The following RCC1L variants were observed in gnomAD, a reference collection of about 807,000 sequenced individuals.
The protein encoded by RCC1L is RCC1 like.
RCC1L carries 46 observed loss-of-function variants against 58.6 expected under a neutral mutation model. The ratio of observed to expected loss-of-function variants is 0.79; its 90% confidence interval spans 0.62 to 1.00. RCC1L has a LOEUF of 1.00. Ranked by LOEUF, RCC1L falls within the 50% of genes least tolerant of loss-of-function variation. The pLI is 0.00. For missense variants in RCC1L, 636 were observed against 623.6 expected, an observed-to-expected ratio of 1.02 and a Z score of -0.21; for synonymous variants, 281 against 262.9, an observed-to-expected ratio of 1.07 and a Z score of -0.67.
chr7:75,030,671 C>T (rs951108473), intron 10 of RCC1L, among the ~76,000 whole-genome samples: 4 of 152,140 alleles, frequency 2.6e-5, no homozygotes, highest in African/African-American at 7.2e-5. Context: ...ATATGGCGCT[C>T]GGCTTCCCCC....
At chr7:75,062,093 C>G (rs587728725) in intron 5 of RCC1L, among the ~76,000 whole-genome samples, 10 of 152,158 alleles carry the variant, frequency 6.6e-5, no homozygotes, top group African/African-American at 2.2e-4. Context: ...GAGTCTGAGG[C>G]ACGAGAATCG....
downstream of RCC1L, among the ~76,000 whole-genome samples, chr7:75,040,527 T>A (rs1012512418): frequency 2.8e-4 from 43 of 152,048 alleles, no homozygotes; most frequent in African/African-American, 1.0e-3. Context: ...GGAGGTTTAT[T>A]AAAAACTCAC....
chr7:75,035,322 C>T (rs900845149), intron 10 of RCC1L, among the ~76,000 whole-genome samples: 20 of 152,302 alleles, frequency 1.3e-4, no homozygotes, highest in Admixed American at 7.2e-4. Context: ...TGAGCCACCG[C>T]GCCCGGCCTG....
At position 75,073,763 on chromosome 7, in the gene RCC1L, C is replaced by T. The variant is rs1806869066; in HGVS notation, c.-26G>A. ...CCTCCGTTCCGCGCCTCAGCAGCCT[C>T]TGGGCGCCGCCATCTTGCGTGACCC... On this transcript the variant is annotated 5_prime_UTR_variant, in exon 1 of 11. Transcript: ENST00000610322. The T allele has an allele frequency of 5.4e-6, 8 of 1,494,188 alleles. No homozygotes were observed. The highest frequency in any genetic ancestry group is 2.3e-5 in the Admixed American group (1 of 43,558). The allele number at this position is 1,494,188 out of a possible 1,614,324, so 92.6% of individuals were successfully genotyped here. A position where few individuals can be genotyped will look rare whatever the true frequency, so the allele number is the denominator to read the frequency against.
intron 10 of RCC1L, among the ~76,000 whole-genome samples, chr7:75,033,511 A>C (rs1805362248): frequency 6.6e-6 from 1 of 152,042 alleles, no homozygotes; most frequent in South Asian, 2.1e-4. Context: ...CCTGGCCAAA[A>C]TGGTGAATCC....
At chr7:75,070,858 A>G in intron 1 of RCC1L, 89 bp from the exon 2 acceptor site, 2 of 1,542,714 alleles carry the variant, frequency 1.3e-6, no homozygotes, top group Non-Finnish European at 1.8e-6. Context: ...AAATCCAAGA[A>G]CACATACTAT....
rs1189032610 is a variant in RCC1L, at chr7:75,043,102, A to C, written c.1325T>G (p.Met442Arg). Residue 442 changes from methionine to arginine, a missense_variant, in exon 11 of 11, where the codon ATG becomes AGG. Physicochemically the swap from Met to Arg is moderately conservative, Grantham distance 91. Coordinates refer to ENST00000610322, the MANE Select transcript of RCC1L (RefSeq NM_030798.5). The stretch of plus-strand genomic sequence containing the variant: ...TGCCACGTCCACAGGCTCCCCAGGC[A>C]TCGTCACCTGAAAAATAAGATCCAG... Reference protein sequence around the residue: ...EDQYFPWRVTMPGEPVDVACG... With the variant: ...EDQYFPWRVTRPGEPVDVACG... The C allele has an allele frequency of 6.2e-7, 1 of 1,613,916 alleles. No homozygotes were observed. Among genetic ancestry groups the C allele is most frequent in the Admixed American group, 1.7e-5 (1 of 60,004 alleles).
chr7:75,072,192 G>GAGAGAGAGA (rs1806785594), intron 1 of RCC1L, among the ~76,000 whole-genome samples: 11 of 63,268 alleles, frequency 1.7e-4, no homozygotes, highest in Non-Finnish European at 3.2e-4. Context: ...ATATATATAT[G>GAGAGAGAGA]GAGAGAGAGA....
chr7:75,039,085 C>T (rs937420772), downstream of RCC1L, among the ~76,000 whole-genome samples: 2 of 152,252 alleles, frequency 1.3e-5, no homozygotes, highest in African/African-American at 4.8e-5. Context: ...AGTGCTCTGC[C>T]TGTCTCGGAC....
chr7:75,069,754 G>A (rs587651902), intron 2 of RCC1L, among the ~76,000 whole-genome samples: 183 of 151,790 alleles, frequency 1.2e-3, no homozygotes, highest in Non-Finnish European at 1.3e-3. Flanking sequence ...TAGTAGAGAC[G>A]GGGTTTCACC....
chr7:75,065,846 C>T (rs1303778543), intron 3 of RCC1L, among the ~76,000 whole-genome samples: 5 of 151,418 alleles, frequency 3.3e-5, no homozygotes, highest in Admixed American at 1.3e-4. Flanking sequence ...GGTGAAACCC[C>T]GTCTCTACAA....
intron 10 of RCC1L, among the ~76,000 whole-genome samples, chr7:75,031,643 G>A (rs1805309533): frequency 6.6e-6 from 1 of 152,080 alleles, no homozygotes; most frequent in African/African-American, 2.4e-5. Flanking sequence ...GAGGCGGGTA[G>A]AAAAACACCC....
intron 5 of RCC1L, among the ~76,000 whole-genome samples, chr7:75,061,645 C>T (rs1806282415): frequency 6.6e-6 from 1 of 152,132 alleles, no homozygotes; most frequent in Non-Finnish European, 1.5e-5. Context: ...CTACTTCAGA[C>T]CCTTTGCTGT....
downstream of RCC1L, among the ~76,000 whole-genome samples, chr7:75,041,902 T>G (rs1205053678): frequency 6.6e-6 from 1 of 151,590 alleles, no homozygotes; most frequent in Non-Finnish European, 1.5e-5. Context: ...AAGAAAATAT[T>G]TGTCGAGTAG....
chr7:75,052,692 C>A lies in RCC1L; in HGVS notation c.1317+19G>T. 1 of 1,601,318 alleles carries A rather than the reference C, an allele frequency of 6.2e-7. No homozygotes were observed. Among genetic ancestry groups the A allele is most frequent in the Non-Finnish European group, 8.5e-7 (1 of 1,173,914 alleles). ...CTACTCTTAGCATCCATTCTCAAGA[C>A]CTCCCCGGCCAGCCTTACCCTCCAT... On this transcript the variant is annotated intron_variant, in intron 10 of 10. Transcript: ENST00000610322.
At chr7:75,046,752 T>C (rs1178629174) in intron 10 of RCC1L, among the ~76,000 whole-genome samples, 3 of 152,220 alleles carry the variant, frequency 2.0e-5, no homozygotes, top group Admixed American at 6.5e-5. Flanking sequence ...TTAGCCTTGG[T>C]GACTCTCTTA....
chr7:75,041,943 C>T (rs982514656), downstream of RCC1L, among the ~76,000 whole-genome samples: 13 of 151,484 alleles, frequency 8.6e-5, no homozygotes, highest in Non-Finnish European at 1.8e-4. Flanking sequence ...TTCAGTTGAG[C>T]ACGGTAGCTC....
chr7:75,073,488 G>C lies in RCC1L; in HGVS notation c.250C>G (p.Pro84Ala), dbSNP rs113603539. 3 of 1,390,220 alleles carry C rather than the reference G, an allele frequency of 2.2e-6. No homozygotes were observed. The highest frequency in any genetic ancestry group is 1.5e-5 in the African/African-American group (1 of 65,696). The allele number at this position is 1,390,220 out of a possible 1,614,324, so 86.1% of individuals were successfully genotyped here. A position where few individuals can be genotyped will look rare whatever the true frequency, so the allele number is the denominator to read the frequency against. The change falls in exon 1 of 11, where the codon CCC becomes GCC. Residue 84 changes from proline to alanine, a missense_variant. By Grantham distance (27) the Pro-to-Ala change is conservative. Coordinates refer to ENST00000610322, the MANE Select transcript of RCC1L (RefSeq NM_030798.5). The stretch of plus-strand genomic sequence containing the variant: ...GGTCGGGCGCCGGCGCGGGGCCCGG[G>C]CCCGGAGCTGGGCACCACAAAGGAA... Reference protein sequence around the residue: ...VPSFVVPSSGPGPRAGARPRR... With the variant: ...VPSFVVPSSGAGPRAGARPRR...
chr7:75,028,436 G>C (rs1170466716), intron 10 of RCC1L, among the ~76,000 whole-genome samples: 1 of 151,964 alleles, frequency 6.6e-6, no homozygotes, highest in Admixed American at 6.6e-5. Flanking sequence ...GAATTTCTAG[G>C]GGTGAGCAGG....
Sources: allele counts gnomAD v4.1 joint callset (sites outside exome capture counted in the v4.1 genomes callset), GRCh38; gene constraint gnomAD v4.1.1; transcripts MANE v1.5; gene names NCBI Gene and HGNC (gene_info 2026-07-23, HGNC 2026-07-21).